Variants in PNPT1 observed in about 807,000 individuals in gnomAD.
PNPT1 encodes the protein polyribonucleotide nucleotidyltransferase 1, mitochondrial.
PNPT1 carries 53 observed loss-of-function variants against 119.5 expected under a neutral mutation model. The ratio of observed to expected loss-of-function variants is 0.44; its 90% CI spans 0.36 to 0.56. PNPT1 has a LOEUF of 0.56. Ranked by LOEUF, PNPT1 falls within the 20% of genes least tolerant of loss-of-function variation. The pLI is 0.00. For missense variants in PNPT1, 948 were observed against 938.5 expected (o/e 1.01, Z -0.13); for synonymous variants, 357 against 322.1 (o/e 1.11, Z -1.16).
At chr2:55,662,488 G>A (rs1696607946) in intron 13 of PNPT1, among the ~76,000 whole-genome samples, 2 of 152,006 alleles carry the variant, frequency 1.3e-5, no homozygotes, top group South Asian at 2.1e-4. Context: ...CAGCCTGGCC[G>A]ATACGGTGAA....
Position 55,644,723 on chromosome 2 carries a change from G to A in PNPT1, c.1823-3C>T, listed in dbSNP as rs1308836729. 8 of 1,600,252 alleles carry A rather than the reference G, an allele frequency of 5.0e-6. No homozygotes were observed. The highest frequency in any genetic ancestry group is 6.8e-6 in the Non-Finnish European group (8 of 1,168,620). The stretch of plus-strand genomic sequence containing the variant: ...TGATAATGGAACCTGAACAGTTTCT[G>A]GAACGTAATACAGACAAATATATAA... On this transcript the variant is annotated splice_region_variant and splice_polypyrimidine_tract_variant and intron_variant, in intron 22 of 27. Coordinates refer to ENST00000447944, the MANE Select transcript of PNPT1 (RefSeq NM_033109.5).
chr2:55,640,594 T>C (rs1695805960), intron 26 of PNPT1, 33 bp downstream of exon 26: 1 of 1,508,282 alleles, frequency 6.6e-7, no homozygotes, highest in Non-Finnish European at 9.2e-7. Flanking sequence ...AAGGCAGTTA[T>C]AAAAATAATA....
chr2:55,672,924 G>A lies in PNPT1; in HGVS notation c.835C>T (p.Pro279Ser), dbSNP rs375710858. Reference sequence around the variant, plus strand: ...GTATATTTCACAATCTCTGGCGAAGGGGTAAATAACTTCTGAGGTGTCCTC... The same window carrying A: ...GTATATTTCACAATCTCTGGCGAAGAGGTAAATAACTTCTGAGGTGTCCTC... The part of the protein sequence containing the change: ...TKRTPQKLFT[P>S]SPEIVKYTHK... The change falls in exon 9 of 28, where the codon CCT becomes TCT. Residue 279 changes from proline to serine, a missense_variant. Transcript: ENST00000447944. 1 of 1,607,380 alleles carries A rather than the reference G, an allele frequency of 6.2e-7. No individual in the cohort carries two copies.
intron 1 of PNPT1, among the ~76,000 whole-genome samples, chr2:55,688,009 G>A (rs991124701): frequency 6.6e-6 from 1 of 150,966 alleles, no homozygotes; most frequent in Non-Finnish European, 1.5e-5. Flanking sequence ...TTTTTGAGGT[G>A]GGGGGTGGTC....
At chr2:55,660,067 C>G (rs1429630754) in intron 15 of PNPT1, 90 bp downstream of exon 15, 2 of 1,305,146 alleles carry the variant, frequency 1.5e-6, no homozygotes, top group Admixed American at 2.8e-5. Flanking sequence ...CTGCACCACT[C>G]CACTCCAGCC....
At chr2:55,640,278 C>CG (rs1218758377) in intron 26 of PNPT1, among the ~76,000 whole-genome samples, 2 of 152,068 alleles carry the variant, frequency 1.3e-5, no homozygotes, top group African/African-American at 2.4e-5. Context: ...CTCAGCCTCC[C>CG]GAGTAGCTAA....
At chr2:55,683,968 A>G in intron 4 of PNPT1, 134 bp from the exon 5 acceptor site, 1 of 749,288 alleles carries the variant, frequency 1.3e-6, no homozygotes, top group Non-Finnish European at 2.2e-6. Context: ...ACTAAGAGGG[A>G]CACAGATAAA....
intron 18 of PNPT1, among the ~76,000 whole-genome samples, chr2:55,652,888 C>G (rs1470911183): frequency 6.6e-6 from 1 of 152,186 alleles, no homozygotes; most frequent in Non-Finnish European, 1.5e-5. Context: ...CACTCTGTTA[C>G]CCAGGCTGGA....
chr2:55,663,856 G>A (rs967977501), intron 13 of PNPT1, among the ~76,000 whole-genome samples: 13 of 152,106 alleles, frequency 8.5e-5, no homozygotes, highest in South Asian at 6.2e-4. Flanking sequence ...GGTGGCAGCC[G>A]CCTATAGTCC....
At chr2:55,689,633 A>G (rs184591830) in intron 1 of PNPT1, among the ~76,000 whole-genome samples, 9 of 152,354 alleles carry the variant, frequency 5.9e-5, no homozygotes, top group Admixed American at 5.2e-4. Flanking sequence ...CATGTAAGAA[A>G]TATTCATAAT....
intron 8 of PNPT1, among the ~76,000 whole-genome samples, chr2:55,676,012 G>A (rs188099874): frequency 3.9e-5 from 6 of 152,206 alleles, no homozygotes; most frequent in Admixed American, 2.6e-4. Flanking sequence ...TGTAATCCCA[G>A]CACTTTGGGA....
At chr2:55,675,975 T>C (rs909522504) in intron 8 of PNPT1, among the ~76,000 whole-genome samples, 4 of 152,048 alleles carry the variant, frequency 2.6e-5, no homozygotes, top group African/African-American at 7.2e-5. Context: ...AAATGATTGC[T>C]ATAGGCCCAG....
intron 19 of PNPT1, 120 bp downstream of exon 19, chr2:55,647,227 A>C: frequency 1.4e-6 from 1 of 704,894 alleles, no homozygotes; most frequent in Non-Finnish European, 2.3e-6. Context: ...GCATTCTTCT[A>C]AGCATACGCT....
intron 2 of PNPT1, among the ~76,000 whole-genome samples, chr2:55,687,039 C>T (rs1697428603): frequency 6.6e-6 from 1 of 151,952 alleles, no homozygotes; most frequent in Non-Finnish European, 1.5e-5. Flanking sequence ...ACGGTGAAAC[C>T]TCGACTCTAC....
intron 18 of PNPT1, among the ~76,000 whole-genome samples, chr2:55,648,287 A>G (rs1696067333): frequency 6.6e-6 from 1 of 152,194 alleles, no homozygotes; most frequent in African/African-American, 2.4e-5. Flanking sequence ...ATTGACACAT[A>G]CCACCACACA....
chr2:55,645,978 C>T (rs1422634808), intron 21 of PNPT1, among the ~76,000 whole-genome samples: 1 of 151,950 alleles, frequency 6.6e-6, no homozygotes, highest in Non-Finnish European at 1.5e-5. Context: ...CAGGTATGCA[C>T]CACCATGCCC....
At chr2:55,675,455 C>T (rs577486007) in intron 8 of PNPT1, among the ~76,000 whole-genome samples, 13 of 152,146 alleles carry the variant, frequency 8.5e-5, no homozygotes, top group African/African-American at 2.9e-4. Flanking sequence ...TAGAATATGA[C>T]AAAGAAAAAT....
chr2:55,680,802 T>A lies in PNPT1; in HGVS notation c.518-43A>T, dbSNP rs757164768. ...ATCAGGGCCGAAATTAAAATTTCAT[T>A]GCTTTAAAAAAATTTTTAATCTGAT... On this transcript the variant is annotated intron_variant, in intron 6 of 27. Coordinates refer to ENST00000447944, the MANE Select transcript of PNPT1 (RefSeq NM_033109.5). 7 of 1,611,572 alleles carry A rather than the reference T, an allele frequency of 4.3e-6. No individual in the cohort carries two copies. In the African/African-American group the frequency reaches 9.4e-5, roughly 22 times the overall value.
chr2:55,661,932 A>T, intron 14 of PNPT1, 24 bp downstream of exon 14: 1 of 1,534,564 alleles, frequency 6.5e-7, no homozygotes, highest in Non-Finnish European at 8.7e-7. Context: ...AAAACGTAAC[A>T]AACATCTTAA....
Sources: gnomAD v4.1 joint callset for allele counts (sites outside exome capture counted in the v4.1 genomes callset) on GRCh38, gnomAD v4.1.1 for gene constraint, MANE v1.5 for transcripts, NCBI Gene and HGNC (gene_info 2026-07-23, HGNC 2026-07-21) for gene names.